Variants in SLC1A3 observed in about 807,000 individuals in gnomAD.
The protein encoded by SLC1A3 is solute carrier family 1 member 3, also known as excitatory amino acid transporter 1.
In SLC1A3, 21 loss-of-function variants were observed where a neutral mutation model predicts 48.1. The ratio of observed to expected loss-of-function variants is 0.44; its 90% confidence interval spans 0.31 to 0.63. The LOEUF (loss-of-function observed/expected upper bound fraction) is 0.63, where lower values mean the gene tolerates loss of function less well. SLC1A3 is among the 20% of genes least tolerant of loss of function. SLC1A3 has a pLI of 0.08. For missense variants in SLC1A3, 546 were observed against 689.0 expected (o/e 0.79, Z 2.32); for synonymous variants, 239 against 251.4 (o/e 0.95, Z 0.47).
chr5:36,664,665 A>T (rs1051171323), intron 3 of SLC1A3, among the ~76,000 whole-genome samples: 2 of 152,200 alleles, frequency 1.3e-5, no homozygotes, highest in African/African-American at 4.8e-5. Flanking sequence ...AATTGATGAA[A>T]ATACTAGTTA....
intron 8 of SLC1A3, among the ~76,000 whole-genome samples, chr5:36,682,516 A>G (rs1742479363): frequency 6.6e-6 from 1 of 152,088 alleles, no homozygotes; most frequent in South Asian, 2.1e-4. Context: ...GCTCTGGGTT[A>G]TTAAAAAAAA....
chr5:36,685,611 T>C (rs1481923064), intron 9 of SLC1A3, among the ~76,000 whole-genome samples: 3 of 152,172 alleles, frequency 2.0e-5, no homozygotes, highest in African/African-American at 7.2e-5. Context: ...ATGGTACTAT[T>C]TTATGTTTTG....
At position 36,598,715 on chromosome 5, in the gene SLC1A3, G is replaced by A. The variant is rs142289869; in HGVS notation, c.-96+2037G>A. 4.5e-3 allele frequency among the ~76,000 whole-genome samples: 678 copies of A among 152,210 alleles called. 1 individual carries two copies. The highest frequency in any genetic ancestry group is 6.2e-3 in the Non-Finnish European group (421 of 68,024). On this transcript the variant is annotated intron_variant, in intron 1 of 9. Transcript: ENST00000680318. ...CAGCTCTCTGCAGCCTTGACCTCCC[G>A]GGCTCAAGTGATCTTCCCATCTCAG...
At chr5:36,641,395 G>T (rs1420140292) in intron 3 of SLC1A3, among the ~76,000 whole-genome samples, 1 of 152,080 alleles carries the variant, frequency 6.6e-6, no homozygotes, top group South Asian at 2.1e-4. Flanking sequence ...TTCTAGTTGA[G>T]CTGTAATTTC....
Position 36,674,133 on chromosome 5 carries a change from T to C in SLC1A3, c.567+42T>C, listed in dbSNP as rs771481177. On this transcript the variant is annotated intron_variant, in intron 5 of 9. Coordinates refer to ENST00000265113, the MANE Select transcript of SLC1A3 (RefSeq NM_004172.5). The stretch of plus-strand genomic sequence containing the variant: ...CATTAACTTGCCTTTTAAATTCCTC[T>C]TTTCTATACCAAACCAAGTGGGACC... The C allele has an allele frequency of 2.0e-6, 3 of 1,531,590 alleles. No individual in the cohort carries two copies. The Admixed American group carries it at 5.0e-5, about 26-fold the overall frequency. 94.9% of individuals were successfully genotyped at this position (1,531,590 alleles called of 1,614,324 possible). A position where few individuals can be genotyped will look rare whatever the true frequency, so the allele number is the denominator to read the frequency against.
chr5:36,605,024 C>T (rs1738877016), upstream of SLC1A3, among the ~76,000 whole-genome samples: 1 of 151,872 alleles, frequency 6.6e-6, no homozygotes, highest in South Asian at 2.1e-4. Context: ...GCACCTAAAC[C>T]AGAGGCACCA....
At chr5:36,616,712 T>C (rs10512660) in intron 2 of SLC1A3, among the ~76,000 whole-genome samples, 16,813 of 152,200 alleles carry the variant, frequency 0.11, 1,382 homozygotes, top group East Asian at 0.29. Context: ...CCTTCTTTTA[T>C]ACACATCGCA....
At position 36,597,173 on chromosome 5, in the gene SLC1A3, T is replaced by G. The variant is rs111538412; in HGVS notation, c.-96+495T>G. Among the ~76,000 whole-genome samples the G allele has an allele frequency of 3.6e-3, 535 of 150,166 alleles. 5 individuals carry two copies. The highest frequency in any genetic ancestry group is 7.0e-3 in the Middle Eastern group (2 of 286). ...GAAAAAAGACTAGCATTCTCCAAAG[T>G]GCATTAATATAAACCTATTTTTGAT... On this transcript the variant is annotated intron_variant, in intron 1 of 9. Transcript: ENST00000680318.
intron 3 of SLC1A3, among the ~76,000 whole-genome samples, chr5:36,653,005 T>C (rs534151748): frequency 6.6e-6 from 1 of 152,364 alleles, no homozygotes; most frequent in East Asian, 1.9e-4. Flanking sequence ...GTTTGCTTTT[T>C]ATGCATTTTC....
Position 36,611,346 on chromosome 5 carries a change from G to GTT in SLC1A3, c.181+2753_181+2754dup, listed in dbSNP as rs34107449. Among the ~76,000 whole-genome samples the GTT allele has an allele frequency of 4.4e-3, 593 of 135,216 alleles. 8 individuals carry two copies. The highest frequency in any genetic ancestry group is 0.032 in the Admixed American group (439 of 13,696). 88.7% of individuals were successfully genotyped at this position (135,216 alleles called of 152,430 possible). On this transcript the variant is annotated intron_variant, in intron 2 of 9. Coordinates refer to ENST00000265113, the MANE Select transcript of SLC1A3 (RefSeq NM_004172.5). ...CTGGGTTGAATCTTTTGTTTAGACT[G>GTT]TTTTTTTTTTTTGCCTTTTTGAAAT...
intron 2 of SLC1A3, among the ~76,000 whole-genome samples, chr5:36,622,602 C>T (rs1739720687): frequency 6.6e-6 from 1 of 152,112 alleles, no homozygotes; most frequent in African/African-American, 2.4e-5. Flanking sequence ...TAGCTTGTAA[C>T]TTATTGTGTG....
chr5:36,657,579 C>A (rs945805548), intron 3 of SLC1A3, among the ~76,000 whole-genome samples: 1 of 152,154 alleles, frequency 6.6e-6, no homozygotes, highest in Non-Finnish European at 1.5e-5. Flanking sequence ...TGTTTTCATA[C>A]GACATAAGCC....
intron 3 of SLC1A3, among the ~76,000 whole-genome samples, chr5:36,631,360 T>C (rs772056744): frequency 3.3e-5 from 5 of 152,338 alleles, no homozygotes; most frequent in South Asian, 2.1e-4. Flanking sequence ...TCCTGATTTT[T>C]CTTAATACCT....
chr5:36,630,880 A>G (rs1035967944), intron 3 of SLC1A3, among the ~76,000 whole-genome samples: 7 of 152,206 alleles, frequency 4.6e-5, no homozygotes, highest in Non-Finnish European at 7.3e-5. Flanking sequence ...GATTTGATGT[A>G]CTTGTTTGTG....
At chr5:36,643,002 T>A (rs573417066) in intron 3 of SLC1A3, among the ~76,000 whole-genome samples, 1 of 152,340 alleles carries the variant, frequency 6.6e-6, no homozygotes, top group African/African-American at 2.4e-5. Context: ...AATGAACATA[T>A]CACATGTCCA....
chr5:36,640,054 CTA>C (rs1740553022), intron 3 of SLC1A3, among the ~76,000 whole-genome samples: 1 of 152,136 alleles, frequency 6.6e-6, no homozygotes, highest in African/African-American at 2.4e-5. Flanking sequence ...GGGGAAGGGT[CTA>C]TATCCAGATA....
upstream of SLC1A3, among the ~76,000 whole-genome samples, chr5:36,602,199 A>G (rs1738816703): frequency 6.6e-6 from 1 of 151,958 alleles, no homozygotes; most frequent in South Asian, 2.1e-4. Context: ...TGTCTTTAAA[A>G]AAACTCCTGG....
At position 36,679,696 on chromosome 5, in the gene SLC1A3, T is replaced by TG. The variant is rs771876749; in HGVS notation, c.936dup (p.Gln313AlafsTer86). The TG allele has an allele frequency of 1.2e-6, 2 of 1,614,092 alleles. No individual in the cohort carries two copies. Among genetic ancestry groups the TG allele is most frequent in the Non-Finnish European group, 1.7e-6 (2 of 1,180,008 alleles). ...TGGAGATGGAAGACATGGGTGTGAT[T>TG]GGGGGGCAGCTTGCCATGTACACCG... On this transcript the variant is annotated frameshift_variant, in exon 7 of 10. Transcript: ENST00000265113. LOFTEE classifies it high-confidence loss of function.
Position 36,686,424 on chromosome 5 carries a change from A to G in SLC1A3, c.*155A>G, listed in dbSNP as rs1742652324. On this transcript the variant is annotated 3_prime_UTR_variant, in exon 10 of 10. Transcript: ENST00000265113. ...AAAATAGTCCTCCAAAACACAAGGG[A>G]GGATTTTGGGTGGCCAAAGTGTACA... is the stretch of plus-strand genomic sequence containing the variant. 1.5e-6 allele frequency: 1 copy of G among 688,318 alleles called. No individual in the cohort carries two copies. Among genetic ancestry groups the G allele is most frequent in the Non-Finnish European group, 2.5e-6 (1 of 392,914 alleles). The allele number at this position is 688,318 out of a possible 1,614,324, so 42.6% of individuals were successfully genotyped here.
Sources: allele counts gnomAD v4.1 joint callset (sites outside exome capture counted in the v4.1 genomes callset), GRCh38; gene constraint gnomAD v4.1.1; transcripts MANE v1.5; gene names NCBI Gene and HGNC (gene_info 2026-07-23, HGNC 2026-07-21).